Variants in MGLL observed in about 807,000 individuals in gnomAD.
The protein encoded by MGLL is monoglyceride lipase.
Under a neutral mutation model 29.1 loss-of-function variants are expected in MGLL, and 7 were observed. The ratio of observed to expected loss-of-function variants is 0.24; its 90% confidence interval spans 0.14 to 0.45. The LOEUF is 0.45. Among genes scored for constraint, MGLL ranks in the 20% least tolerant of loss-of-function variants. The probability of loss-of-function intolerance (pLI) is 0.99; values close to 1 mark genes in which losing one functional copy is unlikely to be tolerated. For missense variants in MGLL, 356 were observed against 413.6 expected (o/e 0.86, Z 1.21); for synonymous variants, 148 against 168.3 (o/e 0.88, Z 0.93).
intron 2 of MGLL, among the ~76,000 whole-genome samples, chr3:127,794,692 TTCTTCTATGATGTAAGACTA>T (rs1328255730): frequency 1.1e-4 from 17 of 152,218 alleles, no homozygotes; most frequent in Admixed American, 1.0e-3. Flanking sequence ...ATGTGGAACT[TTCTTCTATGATGTAAGACTA>T]TCTTCTATGA....
intron 7 of MGLL, among the ~76,000 whole-genome samples, chr3:127,693,531 C>T (rs2075288708): frequency 6.6e-6 from 1 of 152,198 alleles, no homozygotes; most frequent in Non-Finnish European, 1.5e-5. Flanking sequence ...ATGCCAGCCT[C>T]AGGTCCTCAA....
rs182359320 is a variant in MGLL, at chr3:127,756,907, C to A, written c.262+24882G>T. 2.9e-3 allele frequency among the ~76,000 whole-genome samples: 442 copies of A among 152,220 alleles called. 5 individuals carry two copies. Among genetic ancestry groups the A allele is most frequent in the African/African-American group, 0.01 (423 of 41,554 alleles). On this transcript the variant is annotated intron_variant, in intron 3 of 7. Coordinates refer to ENST00000265052, the MANE Select transcript of MGLL (RefSeq NM_007283.7). The stretch of plus-strand genomic sequence containing the variant: ...GGTCAGTAGCAGGAGGGGCCCTCGT[C>A]TTCCTAGGAAGACCTCCTCCATCCA...
chr3:127,710,858 T>G, intron 5 of MGLL, 193 bp from the exon 6 acceptor site: 15 of 606,740 alleles, frequency 2.5e-5, no homozygotes, highest in Non-Finnish European at 3.0e-5. Flanking sequence ...CTATTCAGCC[T>G]GGCTCTGCTC....
intron 3 of MGLL, among the ~76,000 whole-genome samples, chr3:127,767,550 G>C (rs1178313175): frequency 6.6e-6 from 1 of 152,186 alleles, no homozygotes; most frequent in East Asian, 1.9e-4. Flanking sequence ...GCACATGGTA[G>C]GCACTCGATG....
intron 3 of MGLL, among the ~76,000 whole-genome samples, chr3:127,764,785 C>G (rs1281311973): frequency 6.6e-6 from 1 of 152,138 alleles, no homozygotes; most frequent in Non-Finnish European, 1.5e-5. Flanking sequence ...TCAGGTTTTC[C>G]TAAGGCGGAA....
chr3:127,733,733 A>C (rs2076192954), intron 3 of MGLL, among the ~76,000 whole-genome samples: 1 of 152,206 alleles, frequency 6.6e-6, no homozygotes, highest in South Asian at 2.1e-4. Flanking sequence ...ATCATTATAG[A>C]AAAGTCTTGT....
chr3:127,768,789 T>C (rs1283684819), intron 3 of MGLL, among the ~76,000 whole-genome samples: 1 of 152,174 alleles, frequency 6.6e-6, no homozygotes, highest in African/African-American at 2.4e-5. Context: ...GCATCACTCA[T>C]GTGTCTACCC....
intron 6 of MGLL, among the ~76,000 whole-genome samples, chr3:127,709,068 A>G (rs1261627411): frequency 6.6e-6 from 1 of 152,176 alleles, no homozygotes; most frequent in East Asian, 1.9e-4. Flanking sequence ...GTTAATGTCG[A>G]TCTCATTCAT....
chr3:127,745,622 C>T (rs541031733), intron 3 of MGLL, among the ~76,000 whole-genome samples: 2 of 152,244 alleles, frequency 1.3e-5, no homozygotes, highest in Admixed American at 1.3e-4. Flanking sequence ...ACTAAAATCC[C>T]AGACTTCACC....
At chr3:127,713,580 A>T (rs1248168814) in intron 5 of MGLL, 1 of 152,292 alleles carries the variant, frequency 6.6e-6, no homozygotes, top group Non-Finnish European at 1.5e-5. Context: ...AGTGCCTGCC[A>T]CAGAGGTGAA....
intron 3 of MGLL, among the ~76,000 whole-genome samples, chr3:127,758,709 G>A (rs187832719): frequency 6.6e-6 from 1 of 152,070 alleles, no homozygotes; most frequent in East Asian, 1.9e-4. Context: ...CCTTTAAAAG[G>A]GTCTTTAAAA....
Position 127,695,208 on chromosome 3 carries a change from G to A in MGLL, c.601-18C>T, listed in dbSNP as rs575698363. ...ATGTCGACCTGGAGGAAGAAGGAGA[G>A]GGTTCCATCAGCATGGGCAGGGCTC... On this transcript the variant is annotated intron_variant, in intron 6 of 7. Coordinates refer to ENST00000265052, the MANE Select transcript of MGLL (RefSeq NM_007283.7). 1 of 1,609,408 alleles carries A rather than the reference G, an allele frequency of 6.2e-7. No homozygotes were observed. The highest frequency in any genetic ancestry group is 8.5e-7 in the Non-Finnish European group (1 of 1,176,064).
intron 3 of MGLL, among the ~76,000 whole-genome samples, chr3:127,766,738 T>A (rs577234401): frequency 6.6e-6 from 1 of 152,324 alleles, no homozygotes; most frequent in Admixed American, 6.5e-5. Context: ...AATGAGCTCT[T>A]TTCTTTCAAA....
intron 2 of MGLL, among the ~76,000 whole-genome samples, chr3:127,792,210 A>G (rs2077311213): frequency 6.6e-6 from 1 of 152,066 alleles, no homozygotes; most frequent in South Asian, 2.1e-4. Context: ...CAACCCATCC[A>G]CGTTTTTTTC....
rs549917150 is a variant in MGLL at position 127,761,658 on chromosome 3, C to T, written c.262+20131G>A. On this transcript the variant is annotated intron_variant, in intron 3 of 7. Transcript: ENST00000265052. The surrounding 1 kb of genome is among the most constrained non-coding windows in gnomAD (Gnocchi z 4.6). ...TTTCCTCTTTTGGCTGGTGAGGACACGGAGGCACAGAGAGGGCTGGCGCAC... is the reference window on the plus strand; with the variant it reads ...TTTCCTCTTTTGGCTGGTGAGGACATGGAGGCACAGAGAGGGCTGGCGCAC... 4.6e-5 allele frequency among the ~76,000 whole-genome samples: 7 copies of T among 152,320 alleles called. No individual in the cohort carries two copies. Among genetic ancestry groups the T allele is most frequent in the African/African-American group, 9.6e-5 (4 of 41,566 alleles).
At chr3:127,751,472 T>A (rs4974447) in intron 3 of MGLL, among the ~76,000 whole-genome samples, 76,368 of 151,034 alleles carry the variant, frequency 0.51, 20,451 homozygotes, top group Admixed American at 0.61. Flanking sequence ...CAGAGACACA[T>A]CCTAGTCACC....
Position 127,770,924 on chromosome 3 carries a change from C to T in MGLL, c.262+10865G>A, listed in dbSNP as rs1033196338. On this transcript the variant is annotated intron_variant, in intron 3 of 7. Transcript: ENST00000265052. ...GGGTACTCAAGGTCACAAGGGTGAG[C>T]GTCGAGGTCATAAGGCTGGGAGCCC... Among the ~76,000 whole-genome samples, 8 of 152,026 alleles carry T rather than the reference C, an allele frequency of 5.3e-5. No homozygotes were observed. The East Asian group carries it at 7.7e-4, about 15-fold the overall frequency.
rs2075238351 is a variant in MGLL at position 127,691,312 on chromosome 3, C to G, written c.*886G>C. ...TCCAGTTCTGTACAGTAGCATCAAG[C>G]TCTGATTCCCTCAAACTCCCCTTGC... On this transcript the variant is annotated 3_prime_UTR_variant, in exon 8 of 8. Coordinates refer to ENST00000265052, the MANE Select transcript of MGLL (RefSeq NM_007283.7). 6.6e-6 allele frequency: 1 copy of G among 152,438 alleles called. No homozygotes were observed. Among genetic ancestry groups the G allele is most frequent in the Admixed American group, 6.5e-5 (1 of 15,288 alleles). 9.4% of individuals were successfully genotyped at this position (152,438 alleles called of 1,614,324 possible).
intron 3 of MGLL, among the ~76,000 whole-genome samples, chr3:127,738,579 T>G (rs57065851): frequency 0.14 from 21,065 of 152,070 alleles, 2,123 homozygotes; most frequent in East Asian, 0.45. Flanking sequence ...TGGAGCACCC[T>G]GCAGCCTGGG....
Sources: allele counts gnomAD v4.1 joint callset (sites outside exome capture counted in the v4.1 genomes callset), GRCh38; gene constraint gnomAD v4.1.1; non-coding constraint Gnocchi (gnomAD v3.1); transcripts MANE v1.5; gene names NCBI Gene and HGNC (gene_info 2026-07-23, HGNC 2026-07-21).